SNRNP70: variants seen among roughly 807,000 people sequenced by gnomAD.
The protein encoded by SNRNP70 is small nuclear ribonucleoprotein U1 subunit 70, also known as U1 small nuclear ribonucleoprotein 70 kDa.
Under a neutral mutation model 50.5 loss-of-function variants are expected in SNRNP70, and 8 were observed. The observed-to-expected ratio is 0.16, with a 90% CI of 0.09 to 0.29. The LOEUF is 0.29. Among genes scored for constraint, SNRNP70 ranks in the 10% least tolerant of loss-of-function variants. The pLI, the probability that SNRNP70 is intolerant of heterozygous loss-of-function variation, is 1.00. For synonymous variants in SNRNP70, 320 were observed against 252.9 expected (o/e 1.27, Z -2.52); for missense variants, 529 against 663.5 (o/e 0.80, Z 2.23).
Position 49,095,949 on chromosome 19 carries a change from A to G in SNRNP70, c.266-2478A>G, listed in dbSNP as rs575704018. ...CATCGGCGAATAAAAAGAATTACCTATTGAATGAATGAGAGTTAGCTGGTG... is the reference window on the plus strand; with the variant it reads ...CATCGGCGAATAAAAAGAATTACCTGTTGAATGAATGAGAGTTAGCTGGTG... On this transcript the variant is annotated intron_variant, in intron 4 of 9. Transcript: ENST00000598441. 5.0e-5 allele frequency among the ~76,000 whole-genome samples: 7 copies of G among 140,716 alleles called. No homozygotes were observed. The East Asian group carries it at 9.1e-4, about 18-fold the overall frequency. 92.3% of individuals were successfully genotyped at this position (140,716 alleles called of 152,430 possible).
At chr19:49,101,177 C>T (rs1229802216) in intron 6 of SNRNP70, among the ~76,000 whole-genome samples, 2 of 151,958 alleles carry the variant, frequency 1.3e-5, no homozygotes, top group African/African-American at 2.4e-5. Context: ...TCTCTTCTTT[C>T]TTTAGGTCTT....
In SNRNP70 at chr19:49,086,501, A is replaced by G. The variant is rs956289957; in HGVS notation, c.87A>G (p.Pro29=). The change falls in exon 2 of 10, where the codon CCA becomes CCG. Residue 29 remains proline, a synonymous_variant. Coordinates refer to ENST00000598441, the MANE Select transcript of SNRNP70 (RefSeq NM_003089.6). ...IPYLPPLEKL[P]HEKHHNQPYC... is the part of the protein sequence containing the mutation. ...ACCTGCCACCCCTGGAGAAACTGCC[A>G]CATGAAAAACACCACAATCAACCTT... 6.2e-6 allele frequency: 10 copies of G among 1,613,938 alleles called. No homozygotes were observed. The highest frequency in any genetic ancestry group is 1.6e-4 in the Middle Eastern group (1 of 6,084).
chr19:49,104,704 A>G lies in SNRNP70; in HGVS notation c.546A>G (p.Arg182=), dbSNP rs1196619989. ...TCCTTGTGGACGTGGAGAGGGGCCG[A>G]ACCGTGAAGGGCTGGAGGCCCCGGC... ...RRVLVDVERG[R]TVKGWRPRRL... Residue 182 remains arginine, a synonymous_variant, in exon 8 of 10, where the codon CGA becomes CGG. Coordinates refer to ENST00000598441, the MANE Select transcript of SNRNP70 (RefSeq NM_003089.6). This position sits in a 1 kb window ranked among gnomAD's most constrained non-coding sequence, Gnocchi z 5.4. 1 of 1,558,128 alleles carries G rather than the reference A, an allele frequency of 6.4e-7. No individual in the cohort carries two copies. Among genetic ancestry groups the G allele is most frequent in the Non-Finnish European group, 8.7e-7 (1 of 1,150,916 alleles).
chr19:49,101,256 A>G (rs1185446741), intron 6 of SNRNP70, 134 bp from the exon 7 acceptor site: 1 of 679,506 alleles, frequency 1.5e-6, no homozygotes, highest in Non-Finnish European at 2.7e-6. Flanking sequence ...AACATAAGTC[A>G]CTCAGGGCTC....
chr19:49,104,647 C>A lies in SNRNP70; in HGVS notation c.489C>A (p.His163Gln). 6.4e-7 allele frequency: 1 copy of A among 1,556,582 alleles called. No individual in the cohort carries two copies. The change falls in exon 8 of 10, where the codon CAC (histidine) becomes CAA (glutamine). Residue 163 changes from histidine (H) to glutamine (Q), a missense_variant. By Grantham distance (24) the His-to-Gln change is conservative (BLOSUM62 0). Transcript: ENST00000598441. The surrounding 1 kb of genome is among the most constrained non-coding windows in gnomAD (Gnocchi z 5.4). ...CATCTGTTACAGCCGCTTACAAACA[C>A]GCAGATGGCAAGAAGATTGATGGCA... ...HERDMHSAYKHADGKKIDGRR... is the reference protein window; with the variant it reads ...HERDMHSAYKQADGKKIDGRR...
intron 3 of SNRNP70, 56 bp downstream of exon 3, chr19:49,090,409 T>C: frequency 5.6e-6 from 9 of 1,613,108 alleles, no homozygotes; most frequent in Non-Finnish European, 7.6e-6. Context: ...AGATGATCCT[T>C]GACACTAGGG....
At chr19:49,086,584 G>T (rs2040382779) in intron 2 of SNRNP70, 23 bp downstream of exon 2, 13 of 1,611,934 alleles carry the variant, frequency 8.1e-6, no homozygotes, top group Admixed American at 1.7e-5. Context: ...AGCAGGCCAG[G>T]AATGGTTTGG....
intron 6 of SNRNP70, among the ~76,000 whole-genome samples, chr19:49,100,542 C>T (rs560872694): frequency 2.6e-5 from 4 of 152,314 alleles, no homozygotes; most frequent in Non-Finnish European, 4.4e-5. Context: ...CACAGTGGCT[C>T]ACGCCCGTAA....
At chr19:49,101,290 G>A (rs2040582043) in intron 6 of SNRNP70, 100 bp from the exon 7 acceptor site, 1 of 817,690 alleles carries the variant, frequency 1.2e-6, no homozygotes, top group Admixed American at 1.8e-5. Flanking sequence ...AGGGTCTGAG[G>A]CCTCATCCGG....
At position 49,108,148 on chromosome 19, in the gene SNRNP70, C is replaced by G; in HGVS notation, c.1019C>G (p.Pro340Arg). The G allele has an allele frequency of 6.5e-7, 1 of 1,543,440 alleles. No homozygotes were observed. Among genetic ancestry groups the G allele is most frequent in the Non-Finnish European group, 8.7e-7 (1 of 1,144,474 alleles). Residue 340 changes from proline to arginine, a missense_variant, in exon 10 of 10, where the codon CCT becomes CGT. Pro to Arg is a moderately radical substitution (Grantham distance 103). Coordinates refer to ENST00000598441, the MANE Select transcript of SNRNP70 (RefSeq NM_003089.6). ...CCAGGGGAGCTCGGGCCTGACGGCC[C>G]TGACGGTCCAGAGGAAAAGGGCCGG... ...GPPGELGPDGPDGPEEKGRDR... is the reference protein window; with the variant it reads ...GPPGELGPDGRDGPEEKGRDR...
rs1254103787 is a variant in SNRNP70 at position 49,108,243 on chromosome 19, C to T, written c.1114C>T (p.Arg372Cys). 1.9e-6 allele frequency: 3 copies of T among 1,542,000 alleles called. No homozygotes were observed. Among genetic ancestry groups the T allele is most frequent in the South Asian group, 1.2e-5 (1 of 82,944 alleles). Reference sequence around the variant, plus strand: ...GCGGCGCCGGGACCGGGATCGTGACCGTGACCGTGACCGCGAGCACAAACG... The same window carrying T: ...GCGGCGCCGGGACCGGGATCGTGACTGTGACCGTGACCGCGAGCACAAACG... The part of the protein sequence containing the change: ...RERRRDRDRD[R>C]DRDREHKRGE... The change falls in exon 10 of 10, where the codon CGT becomes TGT. Residue 372 changes from arginine to cysteine, a missense_variant. By Grantham distance (180) the Arg-to-Cys change is radical (BLOSUM62 -3). Coordinates refer to ENST00000598441, the MANE Select transcript of SNRNP70 (RefSeq NM_003089.6).
At chr19:49,087,925 A>G (rs1484983708) in intron 2 of SNRNP70, 1 of 152,124 alleles carries the variant, frequency 6.6e-6, no homozygotes, top group African/African-American at 2.4e-5. Flanking sequence ...TTTATGAGAC[A>G]GTTTTGCTCT....
At chr19:49,105,742 A>C (rs199889123) in intron 8 of SNRNP70, among the ~76,000 whole-genome samples, 17 of 107,360 alleles carry the variant, frequency 1.6e-4, no homozygotes, top group South Asian at 8.6e-4. Context: ...AAAAAAAAAC[A>C]AAAAACAAAA....
rs770485596 is a variant in SNRNP70, at chr19:49,102,256, G to A, written c.475+785G>A. On this transcript the variant is annotated intron_variant, in intron 7 of 9. Coordinates refer to ENST00000598441, the MANE Select transcript of SNRNP70 (RefSeq NM_003089.6). The stretch of plus-strand genomic sequence containing the variant: ...CTTAGCCAGGCAGCTCAGGAGCAGC[G>A]AGGCGCCCCTCCTCCCACCCCAGTC... 2.3e-5 allele frequency: 25 copies of A among 1,098,960 alleles called. No individual in the cohort carries two copies. In the Admixed American group the frequency reaches 2.6e-4, roughly 11 times the overall value. 68.1% of individuals were successfully genotyped at this position (1,098,960 alleles called of 1,614,324 possible).
At position 49,085,493 on chromosome 19, in the gene SNRNP70, G is replaced by C. The variant is rs973142527; in HGVS notation, c.-154G>C. 1 of 453,408 alleles carries C rather than the reference G, an allele frequency of 2.2e-6. No homozygotes were observed. The highest frequency in any genetic ancestry group is 1.6e-5 in the South Asian group (1 of 64,370). The allele number at this position is 453,408 out of a possible 1,614,324, so 28.1% of individuals were successfully genotyped here. ...GCGCGGGTGGCTGAGCAGCGGCCTG[G>C]TGCGCTCGCTTAGCGGGCGACGGAA... On this transcript the variant is annotated 5_prime_UTR_variant, in exon 1 of 10. Coordinates refer to ENST00000598441, the MANE Select transcript of SNRNP70 (RefSeq NM_003089.6).
intron 6 of SNRNP70, among the ~76,000 whole-genome samples, chr19:49,100,930 A>G (rs966668080): frequency 1.0e-3 from 159 of 151,800 alleles, no homozygotes; most frequent in African/African-American, 3.7e-3. Flanking sequence ...TTCCTTGCTC[A>G]ACACCCTTCC....
chr19:49,094,658 A>T (rs564274465), intron 4 of SNRNP70, among the ~76,000 whole-genome samples: 1 of 152,330 alleles, frequency 6.6e-6, no homozygotes, highest in Non-Finnish European at 1.5e-5. Flanking sequence ...GATCAAGTTC[A>T]GTAGGGTTTC....
chr19:49,097,215 C>T (rs368732080), intron 4 of SNRNP70, among the ~76,000 whole-genome samples: 9 of 152,090 alleles, frequency 5.9e-5, no homozygotes, highest in East Asian at 3.8e-4. Flanking sequence ...CCCGAGGGTT[C>T]GGGGAAGGAG....
chr19:49,097,519 C>T (rs915730156), intron 4 of SNRNP70, among the ~76,000 whole-genome samples: 2 of 152,172 alleles, frequency 1.3e-5, no homozygotes, highest in Non-Finnish European at 2.9e-5. Context: ...CAAAAAATTG[C>T]AACCTCTGGC....
Sources: allele counts gnomAD v4.1 joint callset (sites outside exome capture counted in the v4.1 genomes callset), GRCh38; gene constraint gnomAD v4.1.1; non-coding constraint Gnocchi (gnomAD v3.1); transcripts MANE v1.5; gene names NCBI Gene and HGNC (gene_info 2026-07-23, HGNC 2026-07-21).